The following VRK3 variants were observed in gnomAD, a reference collection of about 807,000 sequenced individuals.
VRK3 encodes VRK serine/threonine kinase 3, also known as serine/threonine-protein kinase VRK3.
In VRK3, 50 loss-of-function variants were observed where a neutral mutation model predicts 60.4. The ratio of observed to expected loss-of-function variants is 0.83; its 90% CI spans 0.66 to 1.05. The LOEUF is 1.05. Among genes scored for constraint, VRK3 ranks in the 50% least tolerant of loss-of-function variants. VRK3 has a pLI of 0.00. For missense variants in VRK3, 549 were observed against 585.3 expected (o/e 0.94, Z 0.64); for synonymous variants, 246 against 227.8 (o/e 1.08, Z -0.72).
intron 2 of VRK3, among the ~76,000 whole-genome samples, chr19:50,016,688 A>C (rs2077084244): frequency 6.6e-6 from 1 of 152,232 alleles, no homozygotes; most frequent in Non-Finnish European, 1.5e-5. Flanking sequence ...ATGAGTGTTC[A>C]CTAAATTACT....
intron 7 of VRK3, 89 bp downstream of exon 7, chr19:49,997,415 T>C: frequency 6.9e-7 from 1 of 1,454,486 alleles, no homozygotes; most frequent in Non-Finnish European, 9.5e-7. Context: ...AAGCCCACCC[T>C]TCTCATGCCT....
chr19:50,017,051 A>G (rs2077090150), intron 2 of VRK3, among the ~76,000 whole-genome samples: 1 of 151,988 alleles, frequency 6.6e-6, no homozygotes, highest in African/African-American at 2.4e-5. Flanking sequence ...AAAATTAGCT[A>G]GGTGTGGTGG....
intron 1 of VRK3, among the ~76,000 whole-genome samples, chr19:50,022,348 C>A (rs1304731928): frequency 6.6e-6 from 1 of 152,200 alleles, no homozygotes; most frequent in Non-Finnish European, 1.5e-5. Flanking sequence ...CTGGTCTAGG[C>A]CACCATCTCT....
In VRK3 at chr19:50,012,093, T is replaced by TC. The variant is rs531194404; in HGVS notation, c.140-2709dup. ...TTCAAGCGATTCTCCTGCCTCAGCC[T>TC]CCCGAGTAGCTGGGATTACAGGCAT... is the stretch of plus-strand genomic sequence containing the variant. On this transcript the variant is annotated intron_variant, in intron 3 of 14. Transcript: ENST00000316763. Among the ~76,000 whole-genome samples the TC allele has an allele frequency of 9.9e-5, 15 of 151,940 alleles. No individual in the cohort carries two copies. The East Asian group carries it at 2.9e-3, about 29-fold the overall frequency.
chr19:50,006,993 A>C (rs2076902805), intron 5 of VRK3, among the ~76,000 whole-genome samples: 1 of 152,076 alleles, frequency 6.6e-6, no homozygotes, highest in Non-Finnish European at 1.5e-5. Context: ...GCCCCTGTGC[A>C]GAAACCCTGA....
At chr19:49,994,961 GGA>G (rs746191609) in intron 8 of VRK3, 42 bp from the exon 9 acceptor site, 1 of 1,581,874 alleles carries the variant, frequency 6.3e-7, no homozygotes, top group South Asian at 1.1e-5. Flanking sequence ...GATGAACAGG[GGA>G]GAGAGGAGTA....
rs199904721 is a variant in VRK3, at chr19:50,018,218, GC to G, written c.-1-2056del. ...CTAAATGAATACATTTATATGAGGT[GC>G]TGAGAACAGGGCCTGGCCCATAGAA... On this transcript the variant is annotated intron_variant, in intron 2 of 14. Coordinates refer to ENST00000316763, the MANE Select transcript of VRK3 (RefSeq NM_016440.4). 2.2e-3 allele frequency among the ~76,000 whole-genome samples: 331 copies of G among 152,342 alleles called. 2 individuals carry two copies. The highest frequency in any genetic ancestry group is 6.0e-3 in the African/African-American group (250 of 41,576).
intron 3 of VRK3, among the ~76,000 whole-genome samples, chr19:50,013,797 T>C (rs1472575215): frequency 3.3e-5 from 5 of 152,206 alleles, no homozygotes; most frequent in African/African-American, 2.4e-5. Flanking sequence ...TCTGTCCTTA[T>C]GGAGCTTACA....
At chr19:49,989,252 C>A (rs2076569608) in intron 11 of VRK3, among the ~76,000 whole-genome samples, 1 of 152,172 alleles carries the variant, frequency 6.6e-6, no homozygotes, top group South Asian at 2.1e-4. Context: ...TCTCCCAGGG[C>A]TTCGGCTGAT....
rs542030300 is a variant in VRK3, at chr19:50,017,297, G to C, written c.-1-1134C>G. Among the ~76,000 whole-genome samples the C allele has an allele frequency of 1.1e-4, 17 of 152,044 alleles. No individual in the cohort carries two copies. The South Asian group carries it at 3.3e-3, about 30-fold the overall frequency. The stretch of plus-strand genomic sequence containing the variant: ...GCAATTAAAAGTGAAACTATTGGCC[G>C]GGCACGGTGGCTCGTGCCTGTAATC... On this transcript the variant is annotated intron_variant, in intron 2 of 14. Transcript: ENST00000316763.
At chr19:50,014,703 G>T (rs2122567514) in intron 3 of VRK3, among the ~76,000 whole-genome samples, 1 of 152,346 alleles carries the variant, frequency 6.6e-6, no homozygotes, top group South Asian at 2.1e-4. Context: ...GTGCTGAGGT[G>T]TGGAGGGGCA....
chr19:50,003,024 C>A (rs1425496523), intron 5 of VRK3, among the ~76,000 whole-genome samples: 2 of 152,192 alleles, frequency 1.3e-5, no homozygotes, highest in African/African-American at 4.8e-5. Flanking sequence ...ATTTCACTCT[C>A]CTGACTGCAG....
At chr19:50,013,812 A>C (rs2077033371) in intron 3 of VRK3, among the ~76,000 whole-genome samples, 1 of 152,232 alleles carries the variant, frequency 6.6e-6, no homozygotes, top group Admixed American at 6.5e-5. Flanking sequence ...CTTACAGAAG[A>C]AGCAATCCAA....
At chr19:50,018,726 G>T (rs566856093) in intron 2 of VRK3, among the ~76,000 whole-genome samples, 1 of 152,292 alleles carries the variant, frequency 6.6e-6, no homozygotes, top group East Asian at 1.9e-4. Context: ...ACAAATACTG[G>T]TGAGCATTTT....
intron 1 of VRK3, among the ~76,000 whole-genome samples, chr19:50,024,757 C>A (rs1734771511): frequency 6.6e-6 from 1 of 152,216 alleles, no homozygotes; most frequent in Non-Finnish European, 1.5e-5. Flanking sequence ...GGACTTGAAA[C>A]CCTAAGACTC....
rs140160063 is a variant in VRK3, at chr19:50,009,361, C to T, written c.164G>A (p.Ser55Asn). 3.3e-4 allele frequency: 540 copies of T among 1,613,898 alleles called. No homozygotes were observed. Among genetic ancestry groups the T allele is most frequent in the Non-Finnish European group, 4.4e-4 (523 of 1,179,904 alleles). The change falls in exon 4 of 15, where the codon AGT becomes AAT. Residue 55 changes from serine (S) to asparagine (N), a missense_variant. Coordinates refer to ENST00000316763, the MANE Select transcript of VRK3 (RefSeq NM_016440.4). Reference sequence around the variant, plus strand: ...CACTTTCTTAGGAGAGGTTTCAAAACTGGAGTTCAGCCCTCTCTTTGAGCC... The same window carrying T: ...CACTTTCTTAGGAGAGGTTTCAAAATTGGAGTTCAGCCCTCTCTTTGAGCC... ...FQGSKRGLNS[S>N]FETSPKKVKW... is the part of the protein sequence containing the mutation.
At chr19:50,004,018 T>C (rs1277998828) in intron 5 of VRK3, among the ~76,000 whole-genome samples, 3 of 152,136 alleles carry the variant, frequency 2.0e-5, no homozygotes, top group East Asian at 3.9e-4. Context: ...CTGGCCAACA[T>C]AGTGAGATCG....
chr19:49,997,557 C>A lies in VRK3; in HGVS notation c.626G>T (p.Gly209Val). 6.2e-7 allele frequency: 1 copy of A among 1,613,848 alleles called. No homozygotes were observed. The highest frequency in any genetic ancestry group is 8.5e-7 in the Non-Finnish European group (1 of 1,179,876). Residue 209 changes from glycine (G) to valine (V), a missense_variant, in exon 7 of 15, where the codon GGG becomes GTG. Gly to Val is a moderately radical substitution (Grantham distance 109). Coordinates refer to ENST00000316763, the MANE Select transcript of VRK3 (RefSeq NM_016440.4). ...GAAGTTCTGCTCATTGAACAAGCGC[C>A]CATCCTTGGCATCCTGGTGGGGGAC... Reference protein sequence around the residue: ...KFSLKLDAKDGRLFNEQNFFQ... With the variant: ...KFSLKLDAKDVRLFNEQNFFQ...
At chr19:49,991,523 A>G (rs559423456) in intron 10 of VRK3, among the ~76,000 whole-genome samples, 15 of 151,878 alleles carry the variant, frequency 9.9e-5, no homozygotes, top group African/African-American at 3.4e-4. Flanking sequence ...ATCTCTACAC[A>G]CACACACACA....
Sources: allele counts gnomAD v4.1 joint callset (sites outside exome capture counted in the v4.1 genomes callset), GRCh38; gene constraint gnomAD v4.1.1; transcripts MANE v1.5; gene names NCBI Gene and HGNC (gene_info 2026-07-23, HGNC 2026-07-21).